CHCHD6: variants seen among roughly 807,000 people sequenced by gnomAD.
CHCHD6 encodes the protein coiled-coil-helix-coiled-coil-helix domain containing 6.
Under a neutral mutation model 32.3 loss-of-function variants are expected in CHCHD6, and 28 were observed. That is an observed-to-expected ratio of 0.87 (90% CI 0.64 to 1.19). The LOEUF (loss-of-function observed/expected upper bound fraction) is 1.19. Among genes scored for constraint, CHCHD6 ranks in the 50% most tolerant of loss-of-function variants. The probability of loss-of-function intolerance (pLI) is 0.00; values close to 1 mark genes in which losing one functional copy is unlikely to be tolerated. For synonymous variants in CHCHD6, 122 were observed against 117.5 expected, an observed-to-expected ratio of 1.04 and a Z score of -0.25; for missense variants, 333 against 307.0, an observed-to-expected ratio of 1.08 and a Z score of -0.63.
At chr3:126,859,160 T>C (rs1941768212) in intron 5 of CHCHD6, among the ~76,000 whole-genome samples, 1 of 152,062 alleles carries the variant, frequency 6.6e-6, no homozygotes, top group Non-Finnish European at 1.5e-5. Flanking sequence ...CGTGTGTGTA[T>C]GCAATCAGGA....
In CHCHD6 at chr3:126,767,224, A is replaced by G. The variant is rs1374555992; in HGVS notation, c.411+34002A>G. The G allele has an allele frequency of 9.2e-6, 14 of 1,525,044 alleles. No homozygotes were observed. In the African/African-American group the frequency reaches 1.8e-4, roughly 19 times the overall value. 94.5% of individuals were successfully genotyped at this position (1,525,044 alleles called of 1,614,324 possible). A position where few individuals can be genotyped will look rare whatever the true frequency, so the allele number is the denominator to read the frequency against. ...AGGCCATTTTGGTAATTGGCTGGCC[A>G]TTGTATATTATCTGTGCGGGGCTGG... On this transcript the variant is annotated intron_variant, in intron 4 of 7. Coordinates refer to ENST00000290913, the MANE Select transcript of CHCHD6 (RefSeq NM_032343.3).
At chr3:126,805,267 G>T (rs1001536556) in intron 4 of CHCHD6, among the ~76,000 whole-genome samples, 1 of 152,224 alleles carries the variant, frequency 6.6e-6, no homozygotes, top group Non-Finnish European at 1.5e-5. Flanking sequence ...AACTGTCCCT[G>T]TTTGCAGACG....
At chr3:126,886,320 C>T (rs1452332553) in intron 5 of CHCHD6, among the ~76,000 whole-genome samples, 2 of 152,174 alleles carry the variant, frequency 1.3e-5, no homozygotes, top group African/African-American at 4.8e-5. Flanking sequence ...CAGAAATAAA[C>T]AGCTTGTAAG....
intron 1 of CHCHD6, among the ~76,000 whole-genome samples, chr3:126,721,045 T>C (rs1331598456): frequency 2.0e-5 from 3 of 152,246 alleles, no homozygotes; most frequent in Admixed American, 2.0e-4. Context: ...TTTGTCATTC[T>C]CACGCAAATT....
chr3:126,918,671 A>G (rs72980898), intron 6 of CHCHD6, among the ~76,000 whole-genome samples: 4,727 of 152,302 alleles, frequency 0.031, 164 homozygotes, highest in East Asian at 0.16. Flanking sequence ...AAGGAATTGA[A>G]AAAAGGCCAG....
chr3:126,893,987 G>A (rs2077802139), intron 5 of CHCHD6, among the ~76,000 whole-genome samples: 1 of 152,234 alleles, frequency 6.6e-6, no homozygotes. Context: ...TGAGAGGGCT[G>A]CAAACACACC....
chr3:126,705,114 C>T (rs965470425), intron 1 of CHCHD6, among the ~76,000 whole-genome samples: 1 of 152,306 alleles, frequency 6.6e-6, no homozygotes, highest in Admixed American at 6.5e-5. Context: ...TCTCCTTCAG[C>T]TCTCCTTAAA....
chr3:126,848,971 T>G (rs537991107), intron 4 of CHCHD6, among the ~76,000 whole-genome samples: 79 of 152,346 alleles, frequency 5.2e-4, no homozygotes, highest in Non-Finnish European at 8.1e-4. Context: ...TGCACCTCAG[T>G]GCAGGACGAG....
At chr3:126,799,041 C>G (rs894115350) in intron 4 of CHCHD6, among the ~76,000 whole-genome samples, 1 of 152,176 alleles carries the variant, frequency 6.6e-6, no homozygotes, top group African/African-American at 2.4e-5. Context: ...GCATGGACCC[C>G]CATGGCTCCT....
intron 1 of CHCHD6, among the ~76,000 whole-genome samples, chr3:126,714,076 CAAAAAAAAAAAA>C (rs1157910763): frequency 1.0e-4 from 3 of 28,882 alleles, no homozygotes; most frequent in East Asian, 2.2e-3. Context: ...GACTGCATCT[CAAAAAAAAAAAA>C]AAAAAAAAAA....
chr3:126,954,324 G>A lies in CHCHD6; in HGVS notation c.567-3092G>A, dbSNP rs564912613. Reference sequence around the variant, plus strand: ...CCTGAAACTAAAGTAGGAGAAGCCAGTGAGGAGGGGACACAGCCAGGCTGA... The same window carrying A: ...CCTGAAACTAAAGTAGGAGAAGCCAATGAGGAGGGGACACAGCCAGGCTGA... On this transcript the variant is annotated intron_variant, in intron 6 of 7. Coordinates refer to ENST00000290913, the MANE Select transcript of CHCHD6 (RefSeq NM_032343.3). Among the ~76,000 whole-genome samples the A allele has an allele frequency of 4.6e-5, 7 of 152,360 alleles. No homozygotes were observed. The South Asian group carries it at 1.4e-3, about 32-fold the overall frequency.
At chr3:126,791,673 G>T (rs954793371) in intron 4 of CHCHD6, among the ~76,000 whole-genome samples, 3 of 152,214 alleles carry the variant, frequency 2.0e-5, no homozygotes, top group Non-Finnish European at 4.4e-5. Flanking sequence ...GCAATGGCAC[G>T]ATCTTGGCTC....
chr3:126,809,472 C>G lies in CHCHD6; in HGVS notation c.412-43175C>G, dbSNP rs1490919242. On this transcript the variant is annotated intron_variant, in intron 4 of 7. Transcript: ENST00000290913. ...AAATTTTACTGTGTAAAGCTCTGCC[C>G]TTGTCTGCAGCTGATCTGGGTGCAA... Among the ~76,000 whole-genome samples, 8 of 152,292 alleles carry G rather than the reference C, an allele frequency of 5.3e-5. No individual in the cohort carries two copies. The East Asian group carries it at 1.5e-3, about 29-fold the overall frequency.
At chr3:126,941,718 A>G (rs2078562696) in intron 6 of CHCHD6, among the ~76,000 whole-genome samples, 1 of 152,216 alleles carries the variant, frequency 6.6e-6, no homozygotes, top group Non-Finnish European at 1.5e-5. Flanking sequence ...CTGATTTTTT[A>G]CATGTTACAG....
At chr3:126,748,422 C>T (rs189176799) in intron 4 of CHCHD6, among the ~76,000 whole-genome samples, 1 of 152,114 alleles carries the variant, frequency 6.6e-6, no homozygotes, top group Admixed American at 6.5e-5. Flanking sequence ...TGGTGAAACC[C>T]CATCTCTACT....
intron 4 of CHCHD6, among the ~76,000 whole-genome samples, chr3:126,833,757 A>G (rs538230814): frequency 6.6e-6 from 1 of 152,344 alleles, no homozygotes; most frequent in East Asian, 1.9e-4. Context: ...TGCTTTTGTT[A>G]GAATTACCAA....
chr3:126,735,811 A>G (rs1466926290), intron 4 of CHCHD6, among the ~76,000 whole-genome samples: 1 of 152,180 alleles, frequency 6.6e-6, no homozygotes. Context: ...TCATCCATTG[A>G]TGACCTGCCA....
At chr3:126,720,390 TCCCTCAGGGG>T (rs1935226597) in intron 1 of CHCHD6, among the ~76,000 whole-genome samples, 1 of 152,190 alleles carries the variant, frequency 6.6e-6, no homozygotes, top group Non-Finnish European at 1.5e-5. Context: ...GGGCTTCTAG[TCCCTCAGGGG>T]CCTGGTGCAT....
At chr3:126,711,568 G>T (rs1341949447) in intron 1 of CHCHD6, among the ~76,000 whole-genome samples, 4 of 152,240 alleles carry the variant, frequency 2.6e-5, no homozygotes, top group African/African-American at 9.6e-5. Flanking sequence ...TAAAGGCAGT[G>T]TGGGAAACAG....
Sources: gnomAD v4.1 joint callset for allele counts (sites outside exome capture counted in the v4.1 genomes callset) on GRCh38, gnomAD v4.1.1 for gene constraint, MANE v1.5 for transcripts, NCBI Gene and HGNC (gene_info 2026-07-23, HGNC 2026-07-21) for gene names.